The following DTWD2 variants were observed in gnomAD, a reference collection of about 807,000 sequenced individuals.
The protein encoded by DTWD2 is tRNA-uridine aminocarboxypropyltransferase 2.
Under a neutral mutation model 31.8 loss-of-function variants are expected in DTWD2, and 39 were observed. The observed-to-expected ratio is 1.22, with a 90% CI of 0.95 to 1.60. The LOEUF is 1.60. DTWD2 is among the 40% of genes most tolerant of loss of function. The probability of loss-of-function intolerance (pLI) is 0.00; values close to 1 mark genes in which losing one functional copy is unlikely to be tolerated. For missense variants in DTWD2, 515 were observed against 381.5 expected (o/e 1.35, Z -2.92); for synonymous variants, 180 against 142.8 (o/e 1.26, Z -1.86).
intron 4 of DTWD2, among the ~76,000 whole-genome samples, chr5:118,887,804 G>T (rs929484778): frequency 2.0e-5 from 3 of 152,088 alleles, no homozygotes; most frequent in Admixed American, 6.6e-5. Flanking sequence ...TTTTGTTTTG[G>T]TTTGGTTTGG....
At chr5:118,855,901 AAT>A (rs1290429825) in intron 4 of DTWD2, among the ~76,000 whole-genome samples, 1 of 152,192 alleles carries the variant, frequency 6.6e-6, no homozygotes, top group Non-Finnish European at 1.5e-5. Flanking sequence ...TAATTTTCAA[AAT>A]ATGATTACAA....
At chr5:118,954,245 T>G (rs1313567501) in intron 1 of DTWD2, among the ~76,000 whole-genome samples, 1 of 152,182 alleles carries the variant, frequency 6.6e-6, no homozygotes, top group Non-Finnish European at 1.5e-5. Flanking sequence ...TACTCCAGCC[T>G]GGGCAACAGA....
chr5:118,987,042 T>C (rs1158169915), intron 1 of DTWD2, among the ~76,000 whole-genome samples: 1 of 152,160 alleles, frequency 6.6e-6, no homozygotes, highest in Non-Finnish European at 1.5e-5. Context: ...TACCTATATA[T>C]TTATAATTAA....
chr5:118,940,139 A>C (rs2149584386), intron 2 of DTWD2, among the ~76,000 whole-genome samples: 1 of 152,318 alleles, frequency 6.6e-6, no homozygotes, highest in Non-Finnish European at 1.5e-5. Context: ...GCCATTTCTG[A>C]AAAAGCCATT....
At chr5:118,980,966 T>C (rs981799771) in intron 1 of DTWD2, among the ~76,000 whole-genome samples, 4 of 152,204 alleles carry the variant, frequency 2.6e-5, no homozygotes, top group African/African-American at 9.7e-5. Context: ...CATCAACAGA[T>C]GAATGGATAA....
chr5:118,843,638 A>G (rs1350752886), intron 5 of DTWD2, among the ~76,000 whole-genome samples: 2 of 152,208 alleles, frequency 1.3e-5, no homozygotes, highest in Non-Finnish European at 2.9e-5. Context: ...ATATTTTATG[A>G]CATTTATTAT....
At chr5:118,949,984 G>T (rs1467458043) in intron 1 of DTWD2, among the ~76,000 whole-genome samples, 1 of 152,128 alleles carries the variant, frequency 6.6e-6, no homozygotes, top group Non-Finnish European at 1.5e-5. Flanking sequence ...GCCAAGGCGG[G>T]CAGATCACGA....
At chr5:118,849,997 A>G (rs187235572) in intron 4 of DTWD2, among the ~76,000 whole-genome samples, 1 of 152,162 alleles carries the variant, frequency 6.6e-6, no homozygotes, top group African/African-American at 2.4e-5. Context: ...CTGCACATGT[A>G]TCCCAGAACT....
intron 4 of DTWD2, among the ~76,000 whole-genome samples, chr5:118,882,501 C>T (rs1752763805): frequency 6.6e-6 from 1 of 152,256 alleles, no homozygotes. Flanking sequence ...TCCAAACCCA[C>T]ATTTCCCTTC....
At chr5:118,915,601 C>A (rs893233403) in intron 4 of DTWD2, among the ~76,000 whole-genome samples, 1 of 152,132 alleles carries the variant, frequency 6.6e-6, no homozygotes, top group Admixed American at 6.5e-5. Flanking sequence ...GTCTCGATCT[C>A]CTGACCTTGT....
intron 1 of DTWD2, among the ~76,000 whole-genome samples, chr5:118,971,736 C>A (rs901228135): frequency 1.3e-5 from 2 of 152,134 alleles, no homozygotes; most frequent in Non-Finnish European, 2.9e-5. Context: ...TTGGAAATCA[C>A]TCCTCAGCAA....
chr5:118,840,245 T>C lies in DTWD2; in HGVS notation c.*672A>G, dbSNP rs1751678910. On this transcript the variant is annotated 3_prime_UTR_variant, in exon 6 of 6. Transcript: ENST00000510708. ...AATAAAATAAGTTTACCAGAGTCAATAAGCCTGTTCAATGAACACTGAAAA... is the reference window on the plus strand; with the variant it reads ...AATAAAATAAGTTTACCAGAGTCAACAAGCCTGTTCAATGAACACTGAAAA... 1.3e-5 allele frequency: 2 copies of C among 152,198 alleles called. No homozygotes were observed. Among genetic ancestry groups the C allele is most frequent in the Non-Finnish European group, 2.9e-5 (2 of 68,018 alleles). 9.4% of individuals were successfully genotyped at this position (152,198 alleles called of 1,614,324 possible).
intron 4 of DTWD2, among the ~76,000 whole-genome samples, chr5:118,863,232 C>T (rs1298372781): frequency 2.6e-5 from 4 of 152,126 alleles, no homozygotes; most frequent in Admixed American, 2.6e-4. Context: ...ATTATAAAAA[C>T]AAATAGTTGT....
At chr5:118,898,184 C>T (rs945097564) in intron 4 of DTWD2, among the ~76,000 whole-genome samples, 5 of 151,998 alleles carry the variant, frequency 3.3e-5, no homozygotes, top group Non-Finnish European at 7.4e-5. Flanking sequence ...AATCTTAATC[C>T]CAGTCTTTTA....
intron 4 of DTWD2, among the ~76,000 whole-genome samples, chr5:118,891,202 G>GA (rs71621382): frequency 0.036 from 5,268 of 147,428 alleles, 133 homozygotes; most frequent in Non-Finnish European, 0.055. Flanking sequence ...TGATTTTTTA[G>GA]AAAAAAAAAA....
At chr5:118,932,280 C>A (rs1333318842) in intron 3 of DTWD2, among the ~76,000 whole-genome samples, 3 of 148,548 alleles carry the variant, frequency 2.0e-5, no homozygotes, top group Admixed American at 6.7e-5. Context: ...AGCTCAAGAC[C>A]AGCCTGAGCA....
chr5:118,896,466 G>GAA (rs376983041), intron 4 of DTWD2, among the ~76,000 whole-genome samples: 1 of 136,694 alleles, frequency 7.3e-6, no homozygotes, highest in Non-Finnish European at 1.7e-5. Flanking sequence ...GAGGAGGATA[G>GAA]AAAAAAAAAA....
Position 118,964,723 on chromosome 5 carries a change from G to A in DTWD2, c.219-20074C>T, listed in dbSNP as rs1754790192. 2.6e-5 allele frequency among the ~76,000 whole-genome samples: 4 copies of A among 152,264 alleles called. No individual in the cohort carries two copies. In the South Asian group the frequency reaches 8.3e-4, roughly 31 times the overall value. ...TCCCGAGGTGCCAGGACTGCAGATGGAGTCTCGTTCACTCAGTGCTCAATG... is the reference window on the plus strand; with the variant it reads ...TCCCGAGGTGCCAGGACTGCAGATGAAGTCTCGTTCACTCAGTGCTCAATG... On this transcript the variant is annotated intron_variant, in intron 1 of 5. Transcript: ENST00000510708.
At chr5:118,941,183 T>C (rs1754189686) in intron 2 of DTWD2, among the ~76,000 whole-genome samples, 1 of 151,956 alleles carries the variant, frequency 6.6e-6, no homozygotes, top group Non-Finnish European at 1.5e-5. Context: ...ATTATATATA[T>C]ATTTTTATTA....
Sources: allele counts gnomAD v4.1 joint callset (sites outside exome capture counted in the v4.1 genomes callset), GRCh38; gene constraint gnomAD v4.1.1; transcripts MANE v1.5; gene names NCBI Gene and HGNC (gene_info 2026-07-23, HGNC 2026-07-21).